Variants in PRKG2 observed in about 807,000 individuals in gnomAD.
The protein encoded by PRKG2 is protein kinase cGMP-dependent 2.
A neutral mutation model predicts 97.2 loss-of-function variants in PRKG2; 33 were observed. The ratio of observed to expected loss-of-function variants is 0.34; its 90% confidence interval spans 0.26 to 0.45. The LOEUF is 0.45. Ranked by LOEUF, PRKG2 falls within the 20% of genes least tolerant of loss-of-function variation. PRKG2 has a pLI of 1.00. For synonymous variants in PRKG2, 330 were observed against 321.8 expected (o/e 1.03, Z -0.27); for missense variants, 638 against 900.0 (o/e 0.71, Z 3.73).
At chr4:81,211,571 A>T (rs915640710) in intron 1 of PRKG2, among the ~76,000 whole-genome samples, 1 of 152,308 alleles carries the variant, frequency 6.6e-6, no homozygotes. Context: ...TTTGTCCTTT[A>T]GGAAAATAAT....
At chr4:81,162,666 T>C (rs1294579079) in intron 6 of PRKG2, among the ~76,000 whole-genome samples, 1 of 152,172 alleles carries the variant, frequency 6.6e-6, no homozygotes, top group African/African-American at 2.4e-5. Context: ...CCCTTCCCAA[T>C]TTTAGCTTTA....
At chr4:81,165,808 C>A (rs777205278) in intron 6 of PRKG2, among the ~76,000 whole-genome samples, 4 of 151,976 alleles carry the variant, frequency 2.6e-5, no homozygotes, top group Non-Finnish European at 5.9e-5. Flanking sequence ...GCTATAAATA[C>A]GTCTAATTTA....
chr4:81,129,677 A>G (rs932794475), intron 14 of PRKG2, among the ~76,000 whole-genome samples: 1 of 151,906 alleles, frequency 6.6e-6, no homozygotes, highest in Non-Finnish European at 1.5e-5. Context: ...TTTGCTTTCC[A>G]TTTGCTTGGT....
At chr4:81,148,566 T>C (rs571112743) in intron 9 of PRKG2, among the ~76,000 whole-genome samples, 1 of 152,318 alleles carries the variant, frequency 6.6e-6, no homozygotes, top group South Asian at 2.1e-4. Flanking sequence ...CACTATATTG[T>C]ATGGAAGAAA....
intron 17 of PRKG2, among the ~76,000 whole-genome samples, chr4:81,093,473 T>C (rs1409830286): frequency 6.6e-6 from 1 of 151,904 alleles, no homozygotes; most frequent in Non-Finnish European, 1.5e-5. Context: ...ACATACTACT[T>C]GACTTAGTTA....
At chr4:81,190,428 T>C (rs1054020827) in intron 2 of PRKG2, among the ~76,000 whole-genome samples, 5 of 152,130 alleles carry the variant, frequency 3.3e-5, no homozygotes, top group African/African-American at 1.2e-4. Flanking sequence ...TTAAAACTTA[T>C]ACAAAAAGTA....
At chr4:81,154,829 G>A (rs1748855261) in intron 6 of PRKG2, among the ~76,000 whole-genome samples, 1 of 152,220 alleles carries the variant, frequency 6.6e-6, no homozygotes. Flanking sequence ...CTGAGCTACG[G>A]GAGGACATTT....
intron 14 of PRKG2, among the ~76,000 whole-genome samples, chr4:81,116,797 G>C (rs531172322): frequency 3.4e-5 from 5 of 146,210 alleles, no homozygotes; most frequent in Middle Eastern, 7.0e-3. Flanking sequence ...TCATATGCTT[G>C]TTGGCCACAT....
At position 81,167,188 on chromosome 4, in the gene PRKG2, T is replaced by A; in HGVS notation, c.885A>T (p.Leu295Phe). The A allele has an allele frequency of 6.3e-7, 1 of 1,593,604 alleles. No homozygotes were observed. Among genetic ancestry groups the A allele is most frequent in the East Asian group, 2.2e-5 (1 of 44,564 alleles). ...CTTCCAAGCAGTCAATGATCTTGGT[T>A]AATTTATCTTCAGGTAAATTCTTCA... ...SLLKNLPEDKLTKIIDCLEVE... is the reference protein window; with the variant it reads ...SLLKNLPEDKFTKIIDCLEVE... The change falls in exon 6 of 19, where the codon TTA becomes TTT. Residue 295 changes from leucine to phenylalanine, a missense_variant. By Grantham distance (22) the Leu-to-Phe change is conservative. Around this residue, in one of 3 missense-constraint regions of PRKG2, gnomAD observed 332 missense variants for 421.7 expected, o/e 0.79. Coordinates refer to ENST00000264399, the MANE Select transcript of PRKG2 (RefSeq NM_006259.3).
chr4:81,199,180 A>G (rs1481009934), intron 2 of PRKG2, among the ~76,000 whole-genome samples: 1 of 152,152 alleles, frequency 6.6e-6, no homozygotes, highest in Admixed American at 6.5e-5. Context: ...ATATGGCAAC[A>G]TGTAAGTCAG....
At chr4:81,135,928 A>C (rs985138329) in intron 13 of PRKG2, among the ~76,000 whole-genome samples, 1 of 151,540 alleles carries the variant, frequency 6.6e-6, no homozygotes, top group African/African-American at 2.4e-5. Flanking sequence ...TGTTTCTTTC[A>C]CTCACTATAT....
chr4:81,095,710 A>T (rs1297047887), intron 17 of PRKG2, among the ~76,000 whole-genome samples: 2 of 152,234 alleles, frequency 1.3e-5, no homozygotes, highest in African/African-American at 2.4e-5. Context: ...AAATATTAGC[A>T]GCAACAGCAC....
chr4:81,145,365 T>C (rs1366022606), intron 9 of PRKG2, among the ~76,000 whole-genome samples: 3 of 152,206 alleles, frequency 2.0e-5, no homozygotes, highest in African/African-American at 7.2e-5. Flanking sequence ...CTTTGCTTAA[T>C]AAAGTTAAGC....
chr4:81,191,334 CAG>C (rs1246141483), intron 2 of PRKG2, among the ~76,000 whole-genome samples: 5 of 151,926 alleles, frequency 3.3e-5, no homozygotes, highest in Non-Finnish European at 7.4e-5. Flanking sequence ...AACACAGGAA[CAG>C]AAAACAAAAC....
intron 15 of PRKG2, 59 bp from the exon 16 acceptor site, chr4:81,105,994 G>T: frequency 1.3e-6 from 2 of 1,527,414 alleles, no homozygotes; most frequent in African/African-American, 1.4e-5. Context: ...ATCACATTTG[G>T]AATGAATTTT....
intron 17 of PRKG2, among the ~76,000 whole-genome samples, chr4:81,102,654 T>C (rs1742918634): frequency 6.6e-6 from 1 of 152,220 alleles, no homozygotes. Context: ...CCTTCCTATG[T>C]TTCCTCCCTC....
chr4:81,128,001 T>A (rs1035702134), intron 14 of PRKG2, among the ~76,000 whole-genome samples: 1 of 152,206 alleles, frequency 6.6e-6, no homozygotes. Flanking sequence ...TTGAGATACG[T>A]TCCATTAATG....
intron 14 of PRKG2, among the ~76,000 whole-genome samples, chr4:81,121,086 G>A (rs752058818): frequency 6.6e-6 from 1 of 151,970 alleles, no homozygotes; most frequent in East Asian, 1.9e-4. Flanking sequence ...CTGGTGTAAT[G>A]GATTATATTC....
At chr4:81,095,686 A>T (rs1055953936) in intron 17 of PRKG2, among the ~76,000 whole-genome samples, 12 of 152,164 alleles carry the variant, frequency 7.9e-5, no homozygotes, top group African/African-American at 2.4e-4. Context: ...GTGTGTAAAA[A>T]ATATTCACCA....
Sources: allele counts gnomAD v4.1 joint callset (sites outside exome capture counted in the v4.1 genomes callset), GRCh38; gene constraint gnomAD v4.1.1; regional missense constraint gnomAD v4.1.1; transcripts MANE v1.5; gene names NCBI Gene and HGNC (gene_info 2026-07-23, HGNC 2026-07-21).